SPSB4: variants seen among roughly 807,000 people sequenced by gnomAD.
SPSB4 encodes splA/ryanodine receptor domain and SOCS box containing 4, also known as SPRY domain-containing SOCS box protein 4.
SPSB4 carries 21 observed loss-of-function variants against 20.9 expected under a neutral mutation model. The observed-to-expected ratio is 1.01, with a 90% confidence interval of 0.71 to 1.45. SPSB4 has a LOEUF of 1.45. SPSB4 is among the 40% of genes most tolerant of loss of function. The probability of loss-of-function intolerance (pLI) is 0.00; values close to 1 mark genes in which losing one functional copy is unlikely to be tolerated. For missense variants in SPSB4, 399 were observed against 399.2 expected, an observed-to-expected ratio of 1.00 and a Z score of 0.00; for synonymous variants, 207 against 183.8, an observed-to-expected ratio of 1.13 and a Z score of -1.02.
In SPSB4 at chr3:141,066,576, G is replaced by T. The variant is rs1218614004; in HGVS notation, c.472G>T (p.Gly158Cys). 1.3e-6 allele frequency: 2 copies of T among 1,553,178 alleles called. No individual in the cohort carries two copies. Among genetic ancestry groups the T allele is most frequent in the Admixed American group, 3.9e-5 (2 of 51,934 alleles). Residue 158 changes from glycine (G) to cysteine (C), a missense_variant, in exon 2 of 3, where the codon GGC becomes TGC. Coordinates refer to ENST00000310546, the MANE Select transcript of SPSB4 (RefSeq NM_080862.3). ...CTACCACGACGGCAAGAACCAGCCC[G>T]GCGTGGCCTACCCGGCCTTTCTGGG... The part of the protein sequence containing the change: ...RLYHDGKNQP[G>C]VAYPAFLGPD...
chr3:141,134,017 CCTTTTTTTTTTTCTTTT>C, intron 2 of SPSB4, among the ~76,000 whole-genome samples: 1 of 97,218 alleles, frequency 1.0e-5, no homozygotes, highest in Non-Finnish European at 2.2e-5. Flanking sequence ...AAGTATTTTT[CCTTTTTTTTTTTCTTTT>C]CTTTTTTTTT....
chr3:141,119,793 C>T (rs950177704), intron 2 of SPSB4, among the ~76,000 whole-genome samples: 1 of 149,838 alleles, frequency 6.7e-6, no homozygotes, highest in African/African-American at 2.5e-5. Context: ...CTATTTGATT[C>T]TTCTCTCATT....
At chr3:141,096,669 A>G (rs1938551663) in intron 2 of SPSB4, among the ~76,000 whole-genome samples, 1 of 152,240 alleles carries the variant, frequency 6.6e-6, no homozygotes, top group Non-Finnish European at 1.5e-5. Context: ...CATAGTAAAC[A>G]TATTACAGTA....
chr3:141,136,115 G>A (rs1394274542), intron 2 of SPSB4, among the ~76,000 whole-genome samples: 1 of 152,136 alleles, frequency 6.6e-6, no homozygotes, highest in Non-Finnish European at 1.5e-5. Context: ...ATTTTTTCAT[G>A]TGCTTTTTGG....
rs78778204 is a variant in SPSB4 at position 141,063,681 on chromosome 3, A to G, written c.-153-2271A>G. Reference sequence around the variant, plus strand: ...TTCAGGTGAGTTTGCTTGGTTTGCCATGTTTTGTCCTGTTCGTTTATTCCT... The same window carrying G: ...TTCAGGTGAGTTTGCTTGGTTTGCCGTGTTTTGTCCTGTTCGTTTATTCCT... On this transcript the variant is annotated intron_variant, in intron 1 of 2. Coordinates refer to ENST00000310546, the MANE Select transcript of SPSB4 (RefSeq NM_080862.3). Among the ~76,000 whole-genome samples, 588 of 152,174 alleles carry G rather than the reference A, an allele frequency of 3.9e-3. 7 individuals are homozygous for G. The highest frequency in any genetic ancestry group is 0.014 in the African/African-American group (561 of 41,510).
chr3:141,064,498 A>T (rs1035072945), intron 1 of SPSB4, among the ~76,000 whole-genome samples: 11 of 152,206 alleles, frequency 7.2e-5, no homozygotes, highest in African/African-American at 2.7e-4. Context: ...CTGACAATAG[A>T]GAGGGAAGAG....
At chr3:141,116,708 G>C (rs1200072305) in intron 2 of SPSB4, among the ~76,000 whole-genome samples, 2 of 152,206 alleles carry the variant, frequency 1.3e-5, no homozygotes, top group Non-Finnish European at 2.9e-5. Flanking sequence ...GACAAAGAAA[G>C]TGCTTAGAAT....
At chr3:141,086,324 G>A (rs1378674167) in intron 2 of SPSB4, among the ~76,000 whole-genome samples, 4 of 152,160 alleles carry the variant, frequency 2.6e-5, no homozygotes, top group African/African-American at 9.7e-5. Flanking sequence ...TAGCAATTAG[G>A]TGCAGAGTTT....
chr3:141,103,252 G>T (rs115405195), intron 2 of SPSB4, among the ~76,000 whole-genome samples: 1,722 of 152,284 alleles, frequency 0.011, 31 homozygotes, highest in African/African-American at 0.039. Context: ...AGCAGGAGCT[G>T]ATAACAGTGA....
At chr3:141,052,928 C>G (rs1936120964) in intron 1 of SPSB4, among the ~76,000 whole-genome samples, 1 of 152,216 alleles carries the variant, frequency 6.6e-6, no homozygotes, top group African/African-American at 2.4e-5. Context: ...GCTGCTCCCG[C>G]CGGCCCATGG....
At chr3:141,143,824 C>A (rs1000952024) in intron 2 of SPSB4, among the ~76,000 whole-genome samples, 7 of 152,206 alleles carry the variant, frequency 4.6e-5, no homozygotes, top group African/African-American at 1.7e-4. Context: ...CCTGCTCCTT[C>A]TTTTCATTAT....
intron 2 of SPSB4, among the ~76,000 whole-genome samples, chr3:141,100,440 G>C (rs1469876692): frequency 6.6e-6 from 1 of 152,298 alleles, no homozygotes; most frequent in South Asian, 2.1e-4. Flanking sequence ...ACATCTATAA[G>C]CCAAGGAAAG....
intron 2 of SPSB4, among the ~76,000 whole-genome samples, chr3:141,146,602 C>T (rs569050625): frequency 3.5e-4 from 53 of 152,104 alleles, no homozygotes; most frequent in African/African-American, 1.1e-3. Context: ...AGTGAAAGCC[C>T]GTCTCTACTA....
At chr3:141,122,537 A>G (rs1938985254) in intron 2 of SPSB4, among the ~76,000 whole-genome samples, 1 of 152,204 alleles carries the variant, frequency 6.6e-6, no homozygotes, top group South Asian at 2.1e-4. Flanking sequence ...GGTGGAATCT[A>G]CAGCAAGGCA....
intron 2 of SPSB4, among the ~76,000 whole-genome samples, chr3:141,086,611 T>C (rs1020459586): frequency 1.3e-5 from 2 of 152,130 alleles, no homozygotes; most frequent in African/African-American, 4.8e-5. Flanking sequence ...AGATCCAGGG[T>C]AAATTACTCT....
chr3:141,064,771 G>A (rs1485671187), intron 1 of SPSB4, among the ~76,000 whole-genome samples: 1 of 152,190 alleles, frequency 6.6e-6, no homozygotes, highest in Non-Finnish European at 1.5e-5. Context: ...ACAGGGCTTG[G>A]CTCTCCATCT....
chr3:141,142,697 T>C (rs963101942), intron 2 of SPSB4, among the ~76,000 whole-genome samples: 2 of 152,076 alleles, frequency 1.3e-5, no homozygotes, highest in Admixed American at 6.6e-5. Flanking sequence ...TAGTCATAAT[T>C]GTTTTATAAA....
At chr3:141,110,577 A>G (rs898439888) in intron 2 of SPSB4, among the ~76,000 whole-genome samples, 2 of 152,234 alleles carry the variant, frequency 1.3e-5, no homozygotes, top group East Asian at 1.9e-4. Flanking sequence ...GTTTTTGCCC[A>G]TATTGTGTGC....
intron 2 of SPSB4, among the ~76,000 whole-genome samples, chr3:141,096,417 A>G (rs912312526): frequency 3.3e-5 from 5 of 152,240 alleles, no homozygotes; most frequent in Admixed American, 6.5e-5. Context: ...CATATTGACC[A>G]GTCTCAGAGA....
Sources: gnomAD v4.1 joint callset for allele counts (sites outside exome capture counted in the v4.1 genomes callset) on GRCh38, gnomAD v4.1.1 for gene constraint, MANE v1.5 for transcripts, NCBI Gene and HGNC (gene_info 2026-07-23, HGNC 2026-07-21) for gene names.